Variants in ENDOD1 observed in about 807,000 individuals in gnomAD.
The protein encoded by ENDOD1 is endonuclease domain-containing 1 protein.
Under a neutral mutation model 6.5 loss-of-function variants are expected in ENDOD1, and 9 were observed. That is an observed-to-expected ratio of 1.39 (90% CI 0.84 to 2.43). ENDOD1 has a LOEUF of 2.43. ENDOD1 is among the 30% of genes most tolerant of loss of function. ENDOD1 has a pLI of 0.00. For missense variants in ENDOD1, 648 were observed against 635.5 expected (o/e 1.02, Z -0.21); for synonymous variants, 255 against 255.2 (o/e 1.00, Z 0.01).
intron 1 of ENDOD1, among the ~76,000 whole-genome samples, chr11:95,108,667 T>C (rs1342326032): frequency 2.0e-5 from 3 of 152,154 alleles, no homozygotes; most frequent in African/African-American, 7.2e-5. Flanking sequence ...GTTGGCACTT[T>C]CTTTCCTGAG....
At position 95,127,854 on chromosome 11, in the gene ENDOD1, G is replaced by A. The variant is rs578024046; in HGVS notation, c.301-523G>A. Among the ~76,000 whole-genome samples the A allele has an allele frequency of 1.3e-4, 20 of 152,084 alleles. No individual in the cohort carries two copies. In the South Asian group the frequency reaches 1.7e-3, roughly 13 times the overall value. ...AGCTCACTGCAACCTCTGCCTCCCC[G>A]GTTCAAGTGATTCTCCTGCCTCAGC... On this transcript the variant is annotated intron_variant, in intron 1 of 1. Transcript: ENST00000278505.
intron 1 of ENDOD1, among the ~76,000 whole-genome samples, chr11:95,090,558 A>G (rs1858920628): frequency 6.6e-6 from 1 of 152,216 alleles, no homozygotes; most frequent in Admixed American, 6.5e-5. Flanking sequence ...GAAGAGCTTG[A>G]TACAGAGACC....
At chr11:95,109,645 A>C (rs1258092972) in intron 1 of ENDOD1, among the ~76,000 whole-genome samples, 1 of 152,220 alleles carries the variant, frequency 6.6e-6, no homozygotes, top group Non-Finnish European at 1.5e-5. Flanking sequence ...TCGGCTGCCC[A>C]CTTGTGTCCC....
In ENDOD1 at chr11:95,128,390, A is replaced by G. The variant is rs780475468; in HGVS notation, c.314A>G (p.Asn105Ser). The G allele has an allele frequency of 6.2e-7, 1 of 1,613,178 alleles. No individual in the cohort carries two copies. Among genetic ancestry groups the G allele is most frequent in the Non-Finnish European group, 8.5e-7 (1 of 1,179,518 alleles). The change falls in exon 2 of 2, where the codon AAC (asparagine) becomes AGC (serine). Residue 105 changes from asparagine to serine, a missense_variant. By Grantham distance (46) the Asn-to-Ser change is conservative. Transcript: ENST00000278505. ...WLVEPQIDDP[N>S]SNLEEAINEA... ...TTCTTCTTGCAGATCGATGACCCCA[A>G]CAGCAACCTTGAGGAGGCGATTAAT...
At chr11:95,108,266 C>T (rs1461830768) in intron 1 of ENDOD1, among the ~76,000 whole-genome samples, 1 of 152,174 alleles carries the variant, frequency 6.6e-6, no homozygotes, top group Non-Finnish European at 1.5e-5. Flanking sequence ...CGGGAGAGAG[C>T]TCTTTAGCCA....
intron 1 of ENDOD1, among the ~76,000 whole-genome samples, chr11:95,096,416 T>G (rs113200785): frequency 1.3e-5 from 2 of 152,066 alleles, no homozygotes; most frequent in Non-Finnish European, 2.9e-5. Flanking sequence ...ACTCATAGGC[T>G]GAACCAAGAA....
chr11:95,092,851 C>A (rs1159533938), intron 1 of ENDOD1, among the ~76,000 whole-genome samples: 2 of 152,176 alleles, frequency 1.3e-5, no homozygotes, highest in African/African-American at 4.8e-5. Context: ...GTACCCTTGG[C>A]GGCTTCCAAG....
chr11:95,114,945 T>A (rs1459874652), intron 1 of ENDOD1, among the ~76,000 whole-genome samples: 4 of 152,208 alleles, frequency 2.6e-5, no homozygotes, highest in African/African-American at 9.7e-5. Context: ...CCTGTTTTGT[T>A]CATTTTACTT....
chr11:95,104,207 T>G (rs547655262), intron 1 of ENDOD1, among the ~76,000 whole-genome samples: 2 of 152,284 alleles, frequency 1.3e-5, no homozygotes, highest in South Asian at 4.1e-4. Flanking sequence ...CCCAGGACTT[T>G]GAAAGACCAA....
intron 1 of ENDOD1, among the ~76,000 whole-genome samples, chr11:95,092,220 G>T (rs367954176): frequency 2.2e-4 from 33 of 152,148 alleles, no homozygotes; most frequent in African/African-American, 7.5e-4. Context: ...GGATTTGTGC[G>T]TGAAGAAGTT....
chr11:95,097,019 T>C (rs1858992314), intron 1 of ENDOD1, among the ~76,000 whole-genome samples: 1 of 151,968 alleles, frequency 6.6e-6, no homozygotes, highest in African/African-American at 2.4e-5. Flanking sequence ...CGAGGAGTGC[T>C]GGCATGCACC....
intron 1 of ENDOD1, among the ~76,000 whole-genome samples, chr11:95,109,959 G>C (rs1038616099): frequency 1.3e-5 from 2 of 152,252 alleles, no homozygotes; most frequent in African/African-American, 4.8e-5. Context: ...TTCTTTTTCT[G>C]TTCTTGTCTC....
chr11:95,119,154 G>A (rs1591018346), intron 1 of ENDOD1, among the ~76,000 whole-genome samples: 1 of 152,184 alleles, frequency 6.6e-6, no homozygotes, highest in Non-Finnish European at 1.5e-5. Flanking sequence ...TGTTTCTCCA[G>A]GATTGGTCCC....
intron 1 of ENDOD1, among the ~76,000 whole-genome samples, chr11:95,098,882 G>A (rs1859011536): frequency 1.3e-5 from 2 of 152,200 alleles, no homozygotes; most frequent in Non-Finnish European, 2.9e-5. Flanking sequence ...CACATGGACT[G>A]CTTCTGTTGC....
Position 95,129,027 on chromosome 11 carries a change from T to C in ENDOD1, c.951T>C (p.Pro317=). The change falls in exon 2 of 2, where the codon CCT becomes CCC. Residue 317 remains proline, a synonymous_variant. Transcript: ENST00000278505. ...GGAGCAAGAGGTCTACTCTGTTGCC[T>C]CCAGAGGCATCTGAGGGAAGTAGTA... is the stretch of plus-strand genomic sequence containing the variant. The part of the protein sequence containing the change: ...STRSKRSTLL[P]PEASEGSSSF... 6.2e-7 allele frequency: 1 copy of C among 1,613,960 alleles called. No homozygotes were observed.
chr11:95,108,480 A>G (rs1312911809), intron 1 of ENDOD1, among the ~76,000 whole-genome samples: 3 of 125,262 alleles, frequency 2.4e-5, no homozygotes, highest in Non-Finnish European at 4.8e-5. Flanking sequence ...AAAGCTCTGC[A>G]TTTCTCTTTT....
At chr11:95,116,244 C>T (rs1555112481) in intron 1 of ENDOD1, among the ~76,000 whole-genome samples, 1 of 152,132 alleles carries the variant, frequency 6.6e-6, no homozygotes, top group African/African-American at 2.4e-5. Context: ...AGGAATTTGT[C>T]CATTTCTTCC....
chr11:95,100,868 T>TTG (rs1435813541), intron 1 of ENDOD1, among the ~76,000 whole-genome samples: 35 of 144,390 alleles, frequency 2.4e-4, no homozygotes, highest in Non-Finnish European at 3.8e-4. Context: ...GCTGGGTGTT[T>TTG]TTTTTTTTTT....
chr11:95,126,743 C>T (rs978947378), intron 1 of ENDOD1, among the ~76,000 whole-genome samples: 1 of 152,156 alleles, frequency 6.6e-6, no homozygotes, highest in African/African-American at 2.4e-5. Context: ...TGCAGTTGCA[C>T]AGTCTCTGCT....
Sources: allele counts gnomAD v4.1 joint callset (sites outside exome capture counted in the v4.1 genomes callset), GRCh38; gene constraint gnomAD v4.1.1; transcripts MANE v1.5; gene names NCBI Gene and HGNC (gene_info 2026-07-23, HGNC 2026-07-21).